NPSR1: variants seen among roughly 807,000 people sequenced by gnomAD.
NPSR1 encodes neuropeptide S receptor.
A neutral mutation model predicts 46.9 loss-of-function variants in NPSR1; 48 were observed. The observed-to-expected ratio is 1.02, with a 90% confidence interval of 0.81 to 1.30. The LOEUF (loss-of-function observed/expected upper bound fraction) is 1.30, where lower values mean the gene tolerates loss of function less well. Among genes scored for constraint, NPSR1 ranks in the 50% most tolerant of loss-of-function variants. The probability of loss-of-function intolerance (pLI) is 0.00; values close to 1 mark genes in which losing one functional copy is unlikely to be tolerated. For synonymous variants in NPSR1, 176 were observed against 168.1 expected, an observed-to-expected ratio of 1.05 and a Z score of -0.36; for missense variants, 450 against 449.5, an observed-to-expected ratio of 1.00 and a Z score of -0.01.
chr7:34,801,852 G>A (rs1264535839), intron 3 of NPSR1, among the ~76,000 whole-genome samples: 1 of 149,560 alleles, frequency 6.7e-6, no homozygotes, highest in Non-Finnish European at 1.5e-5. Flanking sequence ...AAGCTGATAG[G>A]CAACTTCAGC....
chr7:34,814,559 T>C (rs1258447363), intron 4 of NPSR1, among the ~76,000 whole-genome samples: 1 of 152,176 alleles, frequency 6.6e-6, no homozygotes, highest in Non-Finnish European at 1.5e-5. Flanking sequence ...AGCATGGCGT[T>C]TGAGCTCTGA....
At chr7:34,663,041 T>TTCTCTCTC (rs376420280) in intron 1 of NPSR1, among the ~76,000 whole-genome samples, 2,522 of 108,170 alleles carry the variant, frequency 0.023, 63 homozygotes, top group East Asian at 0.071. Context: ...TGTAGTGCAT[T>TTCTCTCTC]TCTCTCTCTC....
rs183601477 is a variant in NPSR1 at position 34,876,444 on chromosome 7, C to G, written c.1026-1632C>G. 1.1e-3 allele frequency among the ~76,000 whole-genome samples: 160 copies of G among 152,268 alleles called. 1 individual carries two copies. The highest frequency in any genetic ancestry group is 3.6e-3 in the African/African-American group (149 of 41,546). The stretch of plus-strand genomic sequence containing the variant: ...CTTAGCACAGTTCTTGACACATAAA[C>G]TGTGAATTCTAATTCAGAAAGAACT... On this transcript the variant is annotated intron_variant, in intron 8 of 8. Transcript: ENST00000359791.
intron 8 of NPSR1, among the ~76,000 whole-genome samples, chr7:34,849,037 T>C (rs901527176): frequency 6.6e-6 from 1 of 152,258 alleles, no homozygotes; most frequent in African/African-American, 2.4e-5. Flanking sequence ...ACATGGTTAA[T>C]AGCATCATTG....
At chr7:34,753,997 A>G (rs2128725433) in intron 2 of NPSR1, among the ~76,000 whole-genome samples, 1 of 152,332 alleles carries the variant, frequency 6.6e-6, no homozygotes, top group East Asian at 1.9e-4. Flanking sequence ...ATGTCAGACC[A>G]GCACTAGAAG....
intron 2 of NPSR1, among the ~76,000 whole-genome samples, chr7:34,769,001 T>C (rs1217625708): frequency 6.6e-6 from 1 of 152,202 alleles, no homozygotes; most frequent in Non-Finnish European, 1.5e-5. Context: ...ATCATTAATA[T>C]GAAAAGTTAA....
At chr7:34,843,822 C>T (rs1228502447) in intron 6 of NPSR1, among the ~76,000 whole-genome samples, 1 of 152,252 alleles carries the variant, frequency 6.6e-6, no homozygotes, top group Non-Finnish European at 1.5e-5. Context: ...CTTTCTAGTG[C>T]ACAGCTGCCC....
intron 6 of NPSR1, among the ~76,000 whole-genome samples, chr7:34,838,050 T>A (rs984982640): frequency 6.6e-6 from 1 of 152,106 alleles, no homozygotes; most frequent in Non-Finnish European, 1.5e-5. Context: ...CTCTGAGCAC[T>A]CACTCTCACT....
intron 2 of NPSR1, among the ~76,000 whole-genome samples, chr7:34,763,844 C>T (rs1238158099): frequency 6.6e-6 from 1 of 152,188 alleles, no homozygotes; most frequent in African/African-American, 2.4e-5. Flanking sequence ...TAACTAAACT[C>T]CCATGACTAG....
At chr7:34,776,923 T>C (rs934912250) in intron 2 of NPSR1, among the ~76,000 whole-genome samples, 7 of 152,196 alleles carry the variant, frequency 4.6e-5, no homozygotes, top group Admixed American at 4.6e-4. Flanking sequence ...GTTGTGACTG[T>C]GCTGGTATCC....
intron 2 of NPSR1, chr7:34,719,672 A>T (rs1383683642): frequency 6.6e-6 from 1 of 152,210 alleles, no homozygotes; most frequent in African/African-American, 2.4e-5. Flanking sequence ...CTGTATTCCC[A>T]TATTGCTGCC....
chr7:34,803,280 C>T (rs906272180), intron 3 of NPSR1, among the ~76,000 whole-genome samples: 38 of 151,924 alleles, frequency 2.5e-4, no homozygotes, highest in Admixed American at 1.2e-3. Context: ...ATGTTTATTG[C>T]GGCACTATTC....
intron 3 of NPSR1, among the ~76,000 whole-genome samples, chr7:34,784,315 T>C (rs555581280): frequency 6.6e-6 from 1 of 152,248 alleles, no homozygotes; most frequent in East Asian, 1.9e-4. Flanking sequence ...ATATTGGCTG[T>C]GGGTTTGTCA....
At chr7:34,715,190 G>A (rs1783500439) in intron 2 of NPSR1, among the ~76,000 whole-genome samples, 1 of 152,322 alleles carries the variant, frequency 6.6e-6, no homozygotes, top group Non-Finnish European at 1.5e-5. Context: ...TTGCTTGAAA[G>A]GCGGAGCAAG....
intron 2 of NPSR1, among the ~76,000 whole-genome samples, chr7:34,759,013 T>C (rs1052867960): frequency 3.9e-5 from 6 of 152,220 alleles, no homozygotes; most frequent in Admixed American, 2.0e-4. Flanking sequence ...TCTGAATAGA[T>C]TAAGGTTATG....
intron 2 of NPSR1, among the ~76,000 whole-genome samples, chr7:34,730,801 T>C (rs1488621620): frequency 3.3e-5 from 5 of 152,192 alleles, no homozygotes; most frequent in African/African-American, 7.2e-5. Context: ...GTTTTTCTCA[T>C]TAGAATGTTA....
intron 2 of NPSR1, among the ~76,000 whole-genome samples, chr7:34,759,650 G>A (rs988207517): frequency 1.2e-4 from 19 of 152,124 alleles, no homozygotes; most frequent in African/African-American, 4.6e-4. Context: ...AGGGCCACAG[G>A]CATAATCATG....
intron 2 of NPSR1, among the ~76,000 whole-genome samples, chr7:34,738,511 T>A (rs962765369): frequency 2.6e-5 from 4 of 152,218 alleles, no homozygotes; most frequent in Non-Finnish European, 5.9e-5. Flanking sequence ...TTTCTGTCTC[T>A]ACTGTACCTA....
At chr7:34,784,390 T>A (rs558147970) in intron 3 of NPSR1, among the ~76,000 whole-genome samples, 2 of 152,264 alleles carry the variant, frequency 1.3e-5, no homozygotes, top group East Asian at 3.9e-4. Context: ...GTTTTTAGCA[T>A]GAAGGGTTGT....
Sources: gnomAD v4.1 joint callset for allele counts (sites outside exome capture counted in the v4.1 genomes callset) on GRCh38, gnomAD v4.1.1 for gene constraint, MANE v1.5 for transcripts, NCBI Gene and HGNC (gene_info 2026-07-23, HGNC 2026-07-21) for gene names.